The following PPARG variants were observed in gnomAD, a reference collection of about 807,000 sequenced individuals.
PPARG encodes the protein peroxisome proliferator activated receptor gamma.
In PPARG, 17 loss-of-function variants were observed where a neutral mutation model predicts 39.2. That is an observed-to-expected ratio of 0.43 (90% confidence interval 0.30 to 0.65). The LOEUF (loss-of-function observed/expected upper bound fraction) is 0.65, where lower values mean the gene tolerates loss of function less well. PPARG is among the 30% of genes least tolerant of loss of function. The pLI is 0.13. For missense variants in PPARG, 406 were observed against 585.9 expected (o/e 0.69, Z 3.17); for synonymous variants, 223 against 215.7 (o/e 1.03, Z -0.30).
At chr3:12,312,319 A>G (rs1338259873) in intron 1 of PPARG, 61 bp from the exon 2 acceptor site, 5 of 152,228 alleles carry the variant, frequency 3.3e-5, no homozygotes, top group African/African-American at 7.2e-5. Flanking sequence ...GGCTGTGTAC[A>G]TGTGTACACA....
At chr3:12,432,647 C>T (rs1467807421) in intron 7 of PPARG, among the ~76,000 whole-genome samples, 1 of 151,940 alleles carries the variant, frequency 6.6e-6, no homozygotes, top group Non-Finnish European at 1.5e-5. Context: ...CACACTATGG[C>T]AAGAAGAGGA....
chr3:12,429,044 AC>A (rs2051558315), intron 7 of PPARG, among the ~76,000 whole-genome samples: 1 of 152,174 alleles, frequency 6.6e-6, no homozygotes, highest in South Asian at 2.1e-4. Context: ...AGAATATGCA[AC>A]TTTTCTCTGC....
intron 7 of PPARG, among the ~76,000 whole-genome samples, chr3:12,419,253 G>A (rs1223445872): frequency 6.6e-6 from 1 of 151,818 alleles, no homozygotes; most frequent in East Asian, 1.9e-4. Flanking sequence ...CCGACGTTAT[G>A]TTTAATAGAA....
chr3:12,407,199 TTG>T (rs2050702687), intron 6 of PPARG, among the ~76,000 whole-genome samples: 1 of 152,024 alleles, frequency 6.6e-6, no homozygotes, highest in Non-Finnish European at 1.5e-5. Context: ...TCTTGCTCTG[TTG>T]CCAGGCTGGA....
intron 6 of PPARG, among the ~76,000 whole-genome samples, chr3:12,408,056 G>A (rs924487564): frequency 1.3e-5 from 2 of 152,138 alleles, no homozygotes; most frequent in African/African-American, 4.8e-5. Context: ...TATAATGCAG[G>A]TTTTCTGGCC....
chr3:12,390,611 G>A (rs2050036735), intron 4 of PPARG, among the ~76,000 whole-genome samples: 1 of 139,146 alleles, frequency 7.2e-6, no homozygotes, highest in Admixed American at 7.1e-5. Flanking sequence ...GTTTTACATA[G>A]TATGTGATAA....
At chr3:12,420,289 C>T (rs1233671525) in intron 7 of PPARG, among the ~76,000 whole-genome samples, 1 of 152,194 alleles carries the variant, frequency 6.6e-6, no homozygotes, top group African/African-American at 2.4e-5. Context: ...TGAGATCCAC[C>T]TCCCCGATTG....
intron 5 of PPARG, among the ~76,000 whole-genome samples, chr3:12,402,529 G>A (rs555175384): frequency 6.6e-6 from 1 of 152,194 alleles, no homozygotes; most frequent in South Asian, 2.1e-4. Flanking sequence ...ATTTATATTC[G>A]AGTAGAATAA....
intron 7 of PPARG, among the ~76,000 whole-genome samples, chr3:12,430,541 C>A (rs1474486048): frequency 6.6e-6 from 1 of 152,246 alleles, no homozygotes; most frequent in Non-Finnish European, 1.5e-5. Context: ...GTCTTAATTT[C>A]TCCCTCTGTA....
chr3:12,338,443 C>T (rs570601493), intron 2 of PPARG, among the ~76,000 whole-genome samples: 1 of 152,206 alleles, frequency 6.6e-6, no homozygotes, highest in South Asian at 2.1e-4. Flanking sequence ...GAGTACAGCA[C>T]AGACTTCAAG....
At chr3:12,412,151 A>G (rs1323259027) in intron 6 of PPARG, among the ~76,000 whole-genome samples, 1 of 152,142 alleles carries the variant, frequency 6.6e-6, no homozygotes, top group Non-Finnish European at 1.5e-5. Flanking sequence ...GTAGCTTGCT[A>G]TTTTGTTATT....
chr3:12,295,342 T>G (rs185069328), intron 1 of PPARG, among the ~76,000 whole-genome samples: 2 of 152,330 alleles, frequency 1.3e-5, no homozygotes, highest in East Asian at 3.9e-4. Context: ...AAAAATCATT[T>G]GCATATGTCA....
intron 2 of PPARG, among the ~76,000 whole-genome samples, chr3:12,334,747 CCT>C (rs1416982695): frequency 6.6e-6 from 1 of 152,124 alleles, no homozygotes; most frequent in African/African-American, 2.4e-5. Context: ...TCAAAGCCCC[CCT>C]GTCCTGCATT....
In PPARG at chr3:12,430,310, C is replaced by T. The variant is rs150479663; in HGVS notation, c.1181-3588C>T. ...CCTTCTCGCTCATTAACTCAGTCAACCAAATGCTTCCTGTGTTTCCACTGG... is the reference window on the plus strand; with the variant it reads ...CCTTCTCGCTCATTAACTCAGTCAATCAAATGCTTCCTGTGTTTCCACTGG... On this transcript the variant is annotated intron_variant, in intron 7 of 7. Transcript: ENST00000651735. 2.4e-4 allele frequency among the ~76,000 whole-genome samples: 36 copies of T among 152,338 alleles called. 1 individual carries two copies. In the East Asian group the frequency reaches 5.4e-3, roughly 23 times the overall value.
chr3:12,321,699 G>A (rs1249041751), intron 2 of PPARG, among the ~76,000 whole-genome samples: 1 of 152,056 alleles, frequency 6.6e-6, no homozygotes, highest in Non-Finnish European at 1.5e-5. Flanking sequence ...CTACCTCTTC[G>A]ATGTCATCAC....
intron 4 of PPARG, among the ~76,000 whole-genome samples, chr3:12,382,806 C>G (rs1011952381): frequency 6.6e-6 from 1 of 151,982 alleles, no homozygotes; most frequent in East Asian, 1.9e-4. Context: ...CCCATCCCTA[C>G]AAAATTTTTA....
At chr3:12,402,732 G>C (rs1012755308) in intron 5 of PPARG, among the ~76,000 whole-genome samples, 4 of 152,022 alleles carry the variant, frequency 2.6e-5, no homozygotes, top group Non-Finnish European at 5.9e-5. Context: ...AGAAGTTACC[G>C]AGTGACTCTG....
chr3:12,404,516 A>C (rs2050589079), intron 5 of PPARG, among the ~76,000 whole-genome samples: 1 of 152,174 alleles, frequency 6.6e-6, no homozygotes, highest in Non-Finnish European at 1.5e-5. Flanking sequence ...TAAAATAACT[A>C]TCTCTGGCTG....
chr3:12,434,152 G>A lies in PPARG; in HGVS notation c.*7G>A. On this transcript the variant is annotated 3_prime_UTR_variant, in exon 8 of 8. Transcript: ENST00000651735. This position sits in a 1 kb window ranked among gnomAD's most constrained non-coding sequence, Gnocchi z 4.2. ...CTACAAGGACTTGTACTAGCAGAGA[G>A]TCCTGAGCCACTGCCAACATTTCCC... 6.2e-7 allele frequency: 1 copy of A among 1,614,200 alleles called. No individual in the cohort carries two copies. Among genetic ancestry groups the A allele is most frequent in the Non-Finnish European group, 8.5e-7 (1 of 1,180,044 alleles).
Sources: allele counts gnomAD v4.1 joint callset (sites outside exome capture counted in the v4.1 genomes callset), GRCh38; gene constraint gnomAD v4.1.1; non-coding constraint Gnocchi (gnomAD v3.1); transcripts MANE v1.5; gene names NCBI Gene and HGNC (gene_info 2026-07-23, HGNC 2026-07-21).